TCF4: variants seen among roughly 807,000 people sequenced by gnomAD.
The protein encoded by TCF4 is transcription factor 4.
In TCF4, 3 loss-of-function variants were observed where a neutral mutation model predicts 82.1. The observed-to-expected ratio is 0.04, with a 90% CI of 0.02 to 0.09. TCF4 has a LOEUF of 0.09. Ranked by LOEUF, TCF4 falls within the 10% of genes least tolerant of loss-of-function variation. TCF4 has a pLI of 1.00. For synonymous variants in TCF4, 276 were observed against 309.6 expected (o/e 0.89, Z 1.14); for missense variants, 518 against 852.7 (o/e 0.61, Z 4.89).
chr18:55,355,450 C>T (rs2083273836), intron 6 of TCF4, among the ~76,000 whole-genome samples: 1 of 152,136 alleles, frequency 6.6e-6, no homozygotes, highest in African/African-American at 2.4e-5. Context: ...ATTCTGACCA[C>T]AGAAGGGCCA....
At position 55,350,342 on chromosome 18, in the gene TCF4, A is replaced by C; in HGVS notation, c.549+17T>G. On this transcript the variant is annotated intron_variant, in intron 8 of 19. Transcript: ENST00000354452. ...ACAAAATAAGCAATATACAAAGCAG[A>C]AACAAGCAGTACTTACTGAAGATGG... The C allele has an allele frequency of 6.2e-7, 1 of 1,612,796 alleles. No homozygotes were observed. Among genetic ancestry groups the C allele is most frequent in the African/African-American group, 1.3e-5 (1 of 75,000 alleles).
At chr18:55,265,976 A>C (rs1395410549) in intron 11 of TCF4, 1 of 152,210 alleles carries the variant, frequency 6.6e-6, no homozygotes, top group Non-Finnish European at 1.5e-5. Flanking sequence ...TATTATAACC[A>C]TTATGTTAGT....
intron 6 of TCF4, among the ~76,000 whole-genome samples, chr18:55,383,049 T>C (rs2092167279): frequency 2.0e-5 from 3 of 152,246 alleles, no homozygotes; most frequent in Non-Finnish European, 4.4e-5. Flanking sequence ...GCTGAATTCA[T>C]CTATTATAAT....
intron 2 of TCF4, among the ~76,000 whole-genome samples, chr18:55,621,631 A>AT (rs2097719560): frequency 2.0e-4 from 14 of 70,830 alleles, no homozygotes; most frequent in African/African-American, 8.2e-4. Flanking sequence ...TATATAATAT[A>AT]TATATTATAT....
intron 6 of TCF4, among the ~76,000 whole-genome samples, chr18:55,372,072 G>C (rs1252765412): frequency 6.6e-6 from 1 of 152,074 alleles, no homozygotes; most frequent in Non-Finnish European, 1.5e-5. Flanking sequence ...CCATATAAAG[G>C]GGTTGGCTTG....
At chr18:55,391,007 C>T (rs17594526) in intron 6 of TCF4, among the ~76,000 whole-genome samples, 9,404 of 152,234 alleles carry the variant, frequency 0.062, 498 homozygotes, top group African/African-American at 0.14. Context: ...AGTGCCTTCT[C>T]TTTGGCTGAG....
At chr18:55,448,541 C>A (rs1299495393) in intron 5 of TCF4, among the ~76,000 whole-genome samples, 1 of 152,180 alleles carries the variant, frequency 6.6e-6, no homozygotes, top group Non-Finnish European at 1.5e-5. Flanking sequence ...TAATGTAGAC[C>A]CACTGCCTAC....
chr18:55,564,342 A>G (rs983066820), intron 3 of TCF4, among the ~76,000 whole-genome samples: 4 of 152,336 alleles, frequency 2.6e-5, no homozygotes, highest in African/African-American at 7.2e-5. Context: ...GCTGGGAGAA[A>G]GCATGCTCTG....
At chr18:55,502,921 T>G (rs2096715758) in intron 3 of TCF4, among the ~76,000 whole-genome samples, 1 of 152,234 alleles carries the variant, frequency 6.6e-6, no homozygotes, top group Non-Finnish European at 1.5e-5. Context: ...TCCTGAGATA[T>G]TCAACCTTAC....
chr18:55,260,335 T>C (rs577971497), intron 12 of TCF4, among the ~76,000 whole-genome samples: 2 of 150,528 alleles, frequency 1.3e-5, no homozygotes, highest in South Asian at 4.2e-4. Context: ...TACTTTGAAC[T>C]TTCCTTTCCT....
intron 2 of TCF4, among the ~76,000 whole-genome samples, chr18:55,599,905 G>A (rs986190562): frequency 6.6e-6 from 1 of 152,116 alleles, no homozygotes. Flanking sequence ...TTGAACTTCT[G>A]TTGCCACTGA....
chr18:55,528,367 T>A (rs1036798120), intron 3 of TCF4, among the ~76,000 whole-genome samples: 5 of 152,174 alleles, frequency 3.3e-5, no homozygotes, highest in African/African-American at 1.2e-4. Context: ...AACATCACCA[T>A]AATCCAAACC....
intron 3 of TCF4, among the ~76,000 whole-genome samples, chr18:55,533,467 G>C (rs995918567): frequency 1.3e-5 from 2 of 152,100 alleles, no homozygotes; most frequent in Non-Finnish European, 2.9e-5. Flanking sequence ...GGGTTCTCTG[G>C]GCACACAGCT....
chr18:55,289,749 C>T lies in TCF4; in HGVS notation c.550-10093G>A, dbSNP rs750955443. On this transcript the variant is annotated intron_variant, in intron 8 of 19. Transcript: ENST00000354452. ...CCAGAGGAAAACAAATTCTATGACT[C>T]TACAATAAAGACAGAAATTAATTTT... 2.4e-4 allele frequency among the ~76,000 whole-genome samples: 36 copies of T among 152,136 alleles called. 1 individual carries two copies. The highest frequency in any genetic ancestry group is 2.4e-3 in the Admixed American group (36 of 15,274).
rs146441242 is a variant in TCF4 at position 55,249,811 on chromosome 18, G to A, written c.1350+4686C>T. On this transcript the variant is annotated intron_variant, in intron 15 of 19. Coordinates refer to ENST00000354452, the MANE Select transcript of TCF4 (RefSeq NM_001083962.2). ...TTGCTGACTCTACCAACAAATAAAC[G>A]GGAACACATAGAGTCACATAAAGAC... Among the ~76,000 whole-genome samples the A allele has an allele frequency of 6.5e-4, 99 of 152,156 alleles. 1 individual carries two copies. The highest frequency in any genetic ancestry group is 1.2e-3 in the Non-Finnish European group (83 of 68,018).
rs748424648 is a variant in TCF4, at chr18:55,234,435, G to T, written c.1486+113C>A. On this transcript the variant is annotated intron_variant, in intron 16 of 19. Coordinates refer to ENST00000354452, the MANE Select transcript of TCF4 (RefSeq NM_001083962.2). ...TCCTTACCATTTTTGTGCCCAATTT[G>T]ATTCCTGGGTTTCTGCCAGTGCTTC... The T allele has an allele frequency of 1.4e-4, 206 of 1,478,630 alleles. 1 individual carries two copies. Among genetic ancestry groups the T allele is most frequent in the Non-Finnish European group, 1.9e-4 (204 of 1,067,182 alleles). The allele number at this position is 1,478,630 out of a possible 1,614,324, so 91.6% of individuals were successfully genotyped here.
chr18:55,447,488 T>C (rs2095546889), intron 5 of TCF4, among the ~76,000 whole-genome samples: 1 of 152,176 alleles, frequency 6.6e-6, no homozygotes, highest in Non-Finnish European at 1.5e-5. Context: ...CATGCCACTA[T>C]CTAGTACCTA....
intron 8 of TCF4, among the ~76,000 whole-genome samples, chr18:55,288,817 C>T (rs982410449): frequency 2.6e-5 from 4 of 152,170 alleles, no homozygotes; most frequent in African/African-American, 9.7e-5. Context: ...GCTAAGTAAC[C>T]GGCTGAGAGT....
intron 2 of TCF4, chr18:55,585,667 A>G (rs1013559164): frequency 6.1e-6 from 5 of 824,200 alleles, no homozygotes; most frequent in African/African-American, 1.8e-5. Context: ...GCCTCTCTAG[A>G]AAAACACTAG....
Sources: gnomAD v4.1 joint callset for allele counts (sites outside exome capture counted in the v4.1 genomes callset) on GRCh38, gnomAD v4.1.1 for gene constraint, MANE v1.5 for transcripts, NCBI Gene and HGNC (gene_info 2026-07-23, HGNC 2026-07-21) for gene names.